The following HEATR3 variants were observed in gnomAD, a reference collection of about 807,000 sequenced individuals.
HEATR3 encodes HEAT repeat containing 3, also known as HEAT repeat-containing protein 3.
In HEATR3, 56 loss-of-function variants were observed where a neutral mutation model predicts 72.8. That is an observed-to-expected ratio of 0.77 (90% CI 0.62 to 0.96). The LOEUF is 0.96. Among genes scored for constraint, HEATR3 ranks in the 40% least tolerant of loss-of-function variants. HEATR3 has a pLI of 0.00. For synonymous variants in HEATR3, 331 were observed against 318.1 expected, an observed-to-expected ratio of 1.04 and a Z score of -0.43; for missense variants, 747 against 831.4, an observed-to-expected ratio of 0.90 and a Z score of 1.25.
Position 50,078,924 on chromosome 16 carries a change from C to T in HEATR3, c.947C>T (p.Thr316Ile). Reference protein sequence around the residue: ...AAEAEEILENTNGDDLIEDDE... With the variant: ...AAEAEEILENINGDDLIEDDE... Reference sequence around the variant, plus strand: ...GAGGCTGAGGAAATATTAGAGAACACTAATGGGGATGATTTGATTGAAGAT... The same window carrying T: ...GAGGCTGAGGAAATATTAGAGAACATTAATGGGGATGATTTGATTGAAGAT... The change falls in exon 7 of 15, where the codon ACT becomes ATT. Residue 316 changes from threonine to isoleucine, a missense_variant. Physicochemically the swap from Thr to Ile is moderately conservative, Grantham distance 89 (BLOSUM62 -1). Transcript: ENST00000299192. 1 of 1,613,950 alleles carries T rather than the reference C, an allele frequency of 6.2e-7. No homozygotes were observed. The highest frequency in any genetic ancestry group is 8.5e-7 in the Non-Finnish European group (1 of 1,179,956).
At chr16:50,098,879 G>T (rs536792512) in intron 12 of HEATR3, among the ~76,000 whole-genome samples, 54 of 152,116 alleles carry the variant, frequency 3.5e-4, no homozygotes, top group Non-Finnish European at 6.9e-4. Flanking sequence ...TTATCCTACG[G>T]AATGTACTTA....
chr16:50,090,722 T>C (rs1204389436), intron 11 of HEATR3, among the ~76,000 whole-genome samples: 2 of 152,224 alleles, frequency 1.3e-5, no homozygotes, highest in African/African-American at 4.8e-5. Context: ...ATTACATGAG[T>C]TCCGAAATCA....
chr16:50,073,033 C>T (rs528682836), intron 5 of HEATR3: 10 of 262,684 alleles, frequency 3.8e-5, no homozygotes, highest in African/African-American at 1.6e-4. Context: ...GAAACAGTAA[C>T]GCACAACTAC....
At chr16:50,092,051 A>G (rs987408622) in intron 11 of HEATR3, among the ~76,000 whole-genome samples, 1 of 152,008 alleles carries the variant, frequency 6.6e-6, no homozygotes, top group African/African-American at 2.4e-5. Flanking sequence ...AATAGCAACA[A>G]ATTGGCTGGA....
intron 7 of HEATR3, 23 bp from the exon 8 acceptor site, chr16:50,083,914 T>G: frequency 1.3e-6 from 2 of 1,495,094 alleles, no homozygotes; most frequent in South Asian, 1.2e-5. Context: ...AGTTGGTCAT[T>G]TACTTTTTTT....
chr16:50,085,767 A>G (rs2036973373), intron 10 of HEATR3, among the ~76,000 whole-genome samples: 1 of 152,046 alleles, frequency 6.6e-6, no homozygotes, highest in Non-Finnish European at 1.5e-5. Context: ...TTAACAGTTC[A>G]CCTTATAATT....
chr16:50,081,841 A>G (rs181256746), intron 7 of HEATR3, among the ~76,000 whole-genome samples: 1 of 152,246 alleles, frequency 6.6e-6, no homozygotes, highest in African/African-American at 2.4e-5. Context: ...TACAGTTACC[A>G]ATTTTCAAAG....
chr16:50,075,487 A>G, intron 5 of HEATR3, 84 bp from the exon 6 acceptor site: 1 of 1,265,436 alleles, frequency 7.9e-7, no homozygotes, highest in Admixed American at 1.9e-5. Flanking sequence ...GTAATGATAC[A>G]ATGTTTTATT....
chr16:50,090,484 A>G (rs1194890217), intron 11 of HEATR3, among the ~76,000 whole-genome samples: 2 of 152,226 alleles, frequency 1.3e-5, no homozygotes, highest in African/African-American at 4.8e-5. Context: ...TGCTAAATAC[A>G]GTTCTGAATA....
At position 50,078,767 on chromosome 16, in the gene HEATR3, A is replaced by C; in HGVS notation, c.790A>C (p.Ile264Leu). ...CACAATTTGGAATCTAAAGGACATT[A>C]TTCCATGCAAGAGTCAAGCAGAAAT... ...AGTIWNLKDI[I>L]PCKSQAEIIN... is the part of the protein sequence containing the mutation. The change falls in exon 7 of 15, where the codon ATT becomes CTT. Residue 264 changes from isoleucine to leucine, a missense_variant. Ile to Leu is a conservative substitution (Grantham distance 5, BLOSUM62 2). Transcript: ENST00000299192. 1 of 1,613,862 alleles carries C rather than the reference A, an allele frequency of 6.2e-7. No individual in the cohort carries two copies. The highest frequency in any genetic ancestry group is 8.5e-7 in the Non-Finnish European group (1 of 1,179,962).
intron 11 of HEATR3, among the ~76,000 whole-genome samples, chr16:50,090,057 C>CAAG (rs1438251986): frequency 6.6e-6 from 1 of 152,064 alleles, no homozygotes; most frequent in Admixed American, 6.5e-5. Flanking sequence ...GGAATTGTTA[C>CAAG]AAGATAGTTT....
chr16:50,075,657 C>A lies in HEATR3; in HGVS notation c.709C>A (p.Leu237Met). 1 of 1,613,910 alleles carries A rather than the reference C, an allele frequency of 6.2e-7. No individual in the cohort carries two copies. The highest frequency in any genetic ancestry group is 1.3e-5 in the African/African-American group (1 of 75,062). ...AGCATTGAACATGCTGGAATCAGCA[C>A]TGCTTTCTCCTGTCAGTTCCATGGA... is the stretch of plus-strand genomic sequence containing the variant. ...ATALNMLESA[L>M]LSPVSSMESL... Residue 237 changes from leucine (L) to methionine (M), a missense_variant, in exon 6 of 15, where the codon CTG (leucine) becomes ATG (methionine). This residue lies in a region of HEATR3 where 586 missense variants were observed against 708.8 expected (regional missense o/e 0.83). Coordinates refer to ENST00000299192, the MANE Select transcript of HEATR3 (RefSeq NM_182922.4).
At chr16:50,104,841 T>C in intron 14 of HEATR3, 98 bp from the exon 15 acceptor site, 1 of 1,121,640 alleles carries the variant, frequency 8.9e-7, no homozygotes, top group Non-Finnish European at 1.2e-6. Context: ...GCTATCTGCT[T>C]CAGCAAATGG....
chr16:50,079,073 A>C, intron 7 of HEATR3, 55 bp downstream of exon 7: 1 of 1,508,262 alleles, frequency 6.6e-7, no homozygotes, highest in Non-Finnish European at 8.9e-7. Context: ...TTTTTTTTCC[A>C]GCAGTTATCC....
Position 50,093,766 on chromosome 16 carries a change from C to T in HEATR3, c.1511-939C>T, listed in dbSNP as rs980784639. Among the ~76,000 whole-genome samples, 8 of 152,124 alleles carry T rather than the reference C, an allele frequency of 5.3e-5. No individual in the cohort carries two copies. In the East Asian group the frequency reaches 1.3e-3, roughly 26 times the overall value. ...CACCCACAGTGACCTCTTCATGTGA[C>T]GCAGGCTTCCTCATAACAGGATGGC... On this transcript the variant is annotated intron_variant, in intron 11 of 14. Transcript: ENST00000299192.
At chr16:50,102,128 T>G in intron 13 of HEATR3, 131 bp from the exon 14 acceptor site, 1 of 650,614 alleles carries the variant, frequency 1.5e-6, no homozygotes, top group Non-Finnish European at 2.6e-6. Context: ...TTAAGTCTAA[T>G]CTCTTGAAGT....
rs368491021 is a variant in HEATR3, at chr16:50,070,244, A to G, written c.466A>G (p.Ile156Val). 1.5e-5 allele frequency: 24 copies of G among 1,610,008 alleles called. No individual in the cohort carries two copies. The highest frequency in any genetic ancestry group is 2.2e-5 in the East Asian group (1 of 44,822). The change falls in exon 4 of 15, where the codon ATT (isoleucine) becomes GTT (valine). Residue 156 changes from isoleucine to valine, a missense_variant. Physicochemically the swap from Ile to Val is conservative, Grantham distance 29 (BLOSUM62 3). Transcript: ENST00000299192. ...GAAAAAAGATCAGAACAGAAATTCT[A>G]TTGAGAACATAGCCAATGAGACTGT... ...QEKKDQNRNS[I>V]ENIANETVNV...
intron 12 of HEATR3, chr16:50,098,479 C>T (rs917759880): frequency 1.3e-5 from 2 of 152,028 alleles, no homozygotes; most frequent in African/African-American, 4.8e-5. Context: ...CACAGTGAAA[C>T]CCCGTCTCTA....
chr16:50,073,927 G>C (rs1267867754), intron 5 of HEATR3: 1 of 152,106 alleles, frequency 6.6e-6, no homozygotes, highest in Non-Finnish European at 1.5e-5. Flanking sequence ...CTTACATATA[G>C]TAAAATGAAC....
Sources: gnomAD v4.1 joint callset for allele counts (sites outside exome capture counted in the v4.1 genomes callset) on GRCh38, gnomAD v4.1.1 for gene constraint, gnomAD v4.1.1 regional missense constraint, MANE v1.5 for transcripts, NCBI Gene and HGNC (gene_info 2026-07-23, HGNC 2026-07-21) for gene names.